ARRDC5: variants seen among roughly 807,000 people sequenced by gnomAD.
ARRDC5 encodes arrestin domain-containing protein 5.
ARRDC5 carries 12 observed loss-of-function variants against 13.3 expected under a neutral mutation model. The observed-to-expected ratio is 0.90, with a 90% CI of 0.58 to 1.46. The LOEUF is 1.46. Ranked by LOEUF, ARRDC5 falls within the 40% of genes most tolerant of loss-of-function variation. ARRDC5 has a pLI of 0.00. For missense variants in ARRDC5, 406 were observed against 418.7 expected, an observed-to-expected ratio of 0.97 and a Z score of 0.26; for synonymous variants, 181 against 173.4, an observed-to-expected ratio of 1.04 and a Z score of -0.34.
the ARRDC5 span, among the ~76,000 whole-genome samples, chr19:4,915,276 C>T: frequency 6.6e-6 from 1 of 152,216 alleles, no homozygotes; most frequent in Non-Finnish European, 1.5e-5. Flanking sequence ...CCACCCACTG[C>T]GGCATCCCTC....
At chr19:4,911,448 GCT>G in the ARRDC5 span, among the ~76,000 whole-genome samples, 1 of 152,082 alleles carries the variant, frequency 6.6e-6, no homozygotes, top group East Asian at 1.9e-4. Flanking sequence ...ACCACCAATT[GCT>G]CTCAGCCTGT....
At chr19:4,910,988 C>A in the ARRDC5 span, 1 of 1,612,378 alleles carries the variant, frequency 6.2e-7, no homozygotes, top group South Asian at 1.1e-5. Flanking sequence ...GATCCAGGAG[C>A]TGTTCCACGT....
At chr19:4,909,757 T>C in the ARRDC5 span, 1 of 479,198 alleles carries the variant, frequency 2.1e-6, no homozygotes, top group Non-Finnish European at 3.7e-6. Context: ...CGCACGCATG[T>C]CCCGCACTCT....
At chr19:4,909,753 C>T in the ARRDC5 span, 22 of 487,686 alleles carry the variant, frequency 4.5e-5, no homozygotes, top group Non-Finnish European at 7.9e-5. Flanking sequence ...CGGGCGCACG[C>T]ATGTCCCGCA....
chr19:4,911,859 C>T, the ARRDC5 span, among the ~76,000 whole-genome samples: 1 of 151,872 alleles, frequency 6.6e-6, no homozygotes, highest in Non-Finnish European at 1.5e-5. Context: ...GTTGGTTGGA[C>T]CGTGGGGACG....
upstream of ARRDC5, among the ~76,000 whole-genome samples, chr19:4,905,493 G>C (rs941883301): frequency 5.3e-5 from 8 of 151,298 alleles, no homozygotes; most frequent in South Asian, 2.1e-4. Context: ...TATTGTTAGT[G>C]TTAGTGTATT....
chr19:4,911,852 G>C, the ARRDC5 span, among the ~76,000 whole-genome samples: 1 of 152,076 alleles, frequency 6.6e-6, no homozygotes, highest in East Asian at 1.9e-4. Flanking sequence ...TGCTGGAGTT[G>C]GTTGGACCGT....
upstream of ARRDC5, among the ~76,000 whole-genome samples, chr19:4,907,778 T>C (rs1289080747): frequency 1.4e-5 from 2 of 147,506 alleles, no homozygotes; most frequent in Non-Finnish European, 3.0e-5. Context: ...AATGGCGCGA[T>C]CTTGGCTCAC....
At chr19:4,900,851 C>T (rs577159733) in intron 1 of ARRDC5, among the ~76,000 whole-genome samples, 4 of 152,064 alleles carry the variant, frequency 2.6e-5, no homozygotes, top group Non-Finnish European at 5.9e-5. Flanking sequence ...GAAACTCCGT[C>T]TCTACTAAAA....
chr19:4,894,960 T>C (rs1180443947), intron 2 of ARRDC5, among the ~76,000 whole-genome samples: 1 of 152,058 alleles, frequency 6.6e-6, no homozygotes, highest in African/African-American at 2.4e-5. Flanking sequence ...CCTGCAGTCT[T>C]ATTCGAAAAT....
In ARRDC5 at chr19:4,902,433, T is replaced by C. The variant is rs1599223575; in HGVS notation, c.253+140A>G. Reference sequence around the variant, plus strand: ...TGTATCTGATGGTCATTGTTCTTCATGGCCTCCCTCCTAGGGAGAAATCAG... The same window carrying C: ...TGTATCTGATGGTCATTGTTCTTCACGGCCTCCCTCCTAGGGAGAAATCAG... On this transcript the variant is annotated intron_variant, in intron 1 of 2. Transcript: ENST00000650722. 4.8e-5 allele frequency: 37 copies of C among 778,818 alleles called. 1 individual carries two copies. The East Asian group carries it at 9.5e-4, about 20-fold the overall frequency. The allele number at this position is 778,818 out of a possible 1,614,324, so 48.2% of individuals were successfully genotyped here.
At chr19:4,912,888 T>G in the ARRDC5 span, among the ~76,000 whole-genome samples, 6 of 152,202 alleles carry the variant, frequency 3.9e-5, no homozygotes, top group African/African-American at 1.4e-4. Flanking sequence ...GCCTCCCAAG[T>G]AGCTAGGACT....
upstream of ARRDC5, among the ~76,000 whole-genome samples, chr19:4,906,208 G>C (rs1236597119): frequency 1.3e-5 from 2 of 152,002 alleles, no homozygotes; most frequent in East Asian, 3.9e-4. Context: ...CAAACTCCCG[G>C]GCGCAAGAGA....
At chr19:4,913,807 CTTTTTTTTTTTT>C in the ARRDC5 span, among the ~76,000 whole-genome samples, 4 of 110,136 alleles carry the variant, frequency 3.6e-5, no homozygotes, top group East Asian at 1.0e-3. Flanking sequence ...CATGCAGTAG[CTTTTTTTTTTTT>C]TTTTTTTTTT....
intron 1 of ARRDC5, among the ~76,000 whole-genome samples, chr19:4,897,416 A>C (rs1416214407): frequency 6.6e-6 from 1 of 152,120 alleles, no homozygotes; most frequent in African/African-American, 2.4e-5. Context: ...GGTGGGTGAC[A>C]TGCCTGGAGT....
chr19:4,892,963 C>T (rs560125551), intron 2 of ARRDC5, among the ~76,000 whole-genome samples: 2 of 150,150 alleles, frequency 1.3e-5, no homozygotes, highest in Non-Finnish European at 3.0e-5. Flanking sequence ...ATTAGCCGGG[C>T]GTGGTGGCAG....
At chr19:4,915,311 G>T in the ARRDC5 span, among the ~76,000 whole-genome samples, 16 of 152,206 alleles carry the variant, frequency 1.1e-4, no homozygotes, top group African/African-American at 3.9e-4. Context: ...CCTGGTAGAG[G>T]GCGCGGCCTC....
Position 4,896,663 on chromosome 19 carries a change from A to G in ARRDC5, c.459+8T>C, listed in dbSNP as rs1354976330. ...TTGTTCCCACCTCCACCTTTCCCCC[A>G]TCGGTACCTGGAATGGGGTTTCTTT... On this transcript the variant is annotated splice_region_variant and intron_variant, in intron 2 of 2. Transcript: ENST00000650722. 3.1e-6 allele frequency: 5 copies of G among 1,599,556 alleles called. No individual in the cohort carries two copies. The highest frequency in any genetic ancestry group is 1.3e-5 in the African/African-American group (1 of 74,424).
chr19:4,911,872 C>G, the ARRDC5 span, among the ~76,000 whole-genome samples: 2 of 152,080 alleles, frequency 1.3e-5, no homozygotes, highest in Non-Finnish European at 2.9e-5. Context: ...TGGGGACGGG[C>G]GTAGACTACT....
Sources: allele counts gnomAD v4.1 joint callset (sites outside exome capture counted in the v4.1 genomes callset), GRCh38; gene constraint gnomAD v4.1.1; transcripts MANE v1.5; gene names NCBI Gene and HGNC (gene_info 2026-07-23, HGNC 2026-07-21).